The following TIMM44 variants were observed in gnomAD, a reference collection of about 807,000 sequenced individuals.
TIMM44 encodes the protein mitochondrial import inner membrane translocase subunit TIM44.
Under a neutral mutation model 63.8 loss-of-function variants are expected in TIMM44, and 37 were observed. The ratio of observed to expected loss-of-function variants is 0.58; its 90% CI spans 0.45 to 0.76. TIMM44 has a LOEUF of 0.76. Among genes scored for constraint, TIMM44 ranks in the 30% least tolerant of loss-of-function variants. The pLI is 0.00. For missense variants in TIMM44, 573 were observed against 603.8 expected, an observed-to-expected ratio of 0.95 and a Z score of 0.54; for synonymous variants, 239 against 245.1, an observed-to-expected ratio of 0.98 and a Z score of 0.23.
At chr19:7,936,968 G>T (rs1984173497) in intron 3 of TIMM44, among the ~76,000 whole-genome samples, 1 of 152,026 alleles carries the variant, frequency 6.6e-6, no homozygotes, top group African/African-American at 2.4e-5. Context: ...GGGCAGTAGT[G>T]GTGTGTGTCT....
chr19:7,929,461 G>A (rs1983916823), intron 10 of TIMM44, among the ~76,000 whole-genome samples: 1 of 152,182 alleles, frequency 6.6e-6, no homozygotes, highest in South Asian at 2.1e-4. Flanking sequence ...CCCCATCCGT[G>A]CCCCATAGGT....
In TIMM44 at chr19:7,934,543, T is replaced by G. The variant is rs181569339; in HGVS notation, c.394-305A>C. Among the ~76,000 whole-genome samples, 305 of 152,068 alleles carry G rather than the reference T, an allele frequency of 2.0e-3. 1 individual carries two copies. Among genetic ancestry groups the G allele is most frequent in the African/African-American group, 6.8e-3 (280 of 41,396 alleles). On this transcript the variant is annotated intron_variant, in intron 4 of 12. Coordinates refer to ENST00000270538, the MANE Select transcript of TIMM44 (RefSeq NM_006351.4). The surrounding 1 kb of genome is among the most constrained non-coding windows in gnomAD (Gnocchi z 5.3). ...GGCTTCCGGGATGCTGGCCCTGGGCTCTGGGTGAGACGCTGGGTCTGCTGG... is the reference window on the plus strand; with the variant it reads ...GGCTTCCGGGATGCTGGCCCTGGGCGCTGGGTGAGACGCTGGGTCTGCTGG...
At chr19:7,931,828 T>C (rs1983993991) in intron 9 of TIMM44, 1 of 159,314 alleles carries the variant, frequency 6.3e-6, no homozygotes, top group Non-Finnish European at 1.4e-5. Flanking sequence ...GCCAGAACAC[T>C]TGGCACCCAT....
At chr19:7,941,903 G>A (rs996897505) in intron 1 of TIMM44, among the ~76,000 whole-genome samples, 3 of 152,208 alleles carry the variant, frequency 2.0e-5, no homozygotes, top group Non-Finnish European at 2.9e-5. Flanking sequence ...CCAAAGATGA[G>A]AGAACTGGAT....
At chr19:7,941,515 T>C (rs1984311827) in intron 1 of TIMM44, among the ~76,000 whole-genome samples, 1 of 151,880 alleles carries the variant, frequency 6.6e-6, no homozygotes, top group Non-Finnish European at 1.5e-5. Flanking sequence ...CTCGAACTCC[T>C]GACCTCAGGT....
chr19:7,928,327 A>C, intron 10 of TIMM44, 161 bp from the exon 11 acceptor site: 3 of 624,170 alleles, frequency 4.8e-6, no homozygotes, highest in Non-Finnish European at 8.6e-6. Context: ...GGTGCCACCC[A>C]CTTACTGGCC....
intron 2 of TIMM44, among the ~76,000 whole-genome samples, chr19:7,940,134 G>A (rs562691329): frequency 2.3e-4 from 35 of 151,672 alleles, no homozygotes; most frequent in East Asian, 1.4e-3. Flanking sequence ...TCAGAAGGCT[G>A]AGGTGGGAGG....
chr19:7,929,185 A>G (rs755719897), intron 10 of TIMM44, among the ~76,000 whole-genome samples: 5 of 152,060 alleles, frequency 3.3e-5, no homozygotes, highest in African/African-American at 7.2e-5. Flanking sequence ...GAGAGCTGGG[A>G]GCCCCACAGG....
intron 10 of TIMM44, chr19:7,928,922 C>CCAAAAAAAAAAAAAAAAAAAAAAAAAA (rs1983894577): frequency 1.3e-5 from 1 of 76,794 alleles, no homozygotes; most frequent in Admixed American, 1.3e-4. Flanking sequence ...AAACAAAAAA[C>CCAAAAAAAAAAAAAAAAAAAAAAAAAA]CAAAAAAAAA....
intron 10 of TIMM44, chr19:7,928,517 T>C: frequency 3.6e-6 from 1 of 280,780 alleles, no homozygotes; most frequent in Non-Finnish European, 6.9e-6. Context: ...CTCTGAATCT[T>C]GGCCTGAGAT....
At position 7,927,190 on chromosome 19, in the gene TIMM44, G is replaced by A. The variant is rs750274506; in HGVS notation, c.1356C>T (p.Leu452=). 5.6e-6 allele frequency: 9 copies of A among 1,608,326 alleles called. No homozygotes were observed. The African/African-American group carries it at 9.3e-5, about 17-fold the overall frequency. ...DISASSTEQI[L] is the part of the protein sequence containing the mutation. ...CTACCTGGCTCCGGCACCACACTCA[G>A]AGAATCTGCTCGGTGCTGGAGGCCG... Residue 452 remains leucine (L), a synonymous_variant, in exon 13 of 13, where the codon CTC becomes CTT. Coordinates refer to ENST00000270538, the MANE Select transcript of TIMM44 (RefSeq NM_006351.4).
In TIMM44 at chr19:7,943,531, C is replaced by G. The variant is rs956883036; in HGVS notation, c.45+76G>C. 1.8e-5 allele frequency: 27 copies of G among 1,502,178 alleles called. No homozygotes were observed. Among genetic ancestry groups the G allele is most frequent in the Non-Finnish European group, 2.2e-5 (24 of 1,113,320 alleles). The allele number at this position is 1,502,178 out of a possible 1,614,324, so 93.1% of individuals were successfully genotyped here. ...AGCAAGGGTCGCGAAGGCCAAGGGT[C>G]TGAGAAGAAAGCCTTGGTGGCCGAA... On this transcript the variant is annotated intron_variant, in intron 1 of 12. Coordinates refer to ENST00000270538, the MANE Select transcript of TIMM44 (RefSeq NM_006351.4). This position sits in a 1 kb window ranked among gnomAD's most constrained non-coding sequence, Gnocchi z 4.3.
chr19:7,940,071 A>T (rs1031870732), intron 2 of TIMM44, among the ~76,000 whole-genome samples: 1 of 152,082 alleles, frequency 6.6e-6, no homozygotes. Context: ...AGAAAGCTGC[A>T]TCCAGCCTGG....
chr19:7,942,207 C>T (rs939412790), intron 1 of TIMM44, among the ~76,000 whole-genome samples: 2 of 152,084 alleles, frequency 1.3e-5, no homozygotes, highest in Admixed American at 6.6e-5. Flanking sequence ...ATTAGCCGGG[C>T]GTGGTGGCAC....
In TIMM44 at chr19:7,933,568, T is replaced by G. The variant is rs777105550; in HGVS notation, c.686A>C (p.Glu229Ala). 1.9e-6 allele frequency: 3 copies of G among 1,612,664 alleles called. No homozygotes were observed. The highest frequency in any genetic ancestry group is 1.6e-4 in the Middle Eastern group (1 of 6,082). Residue 229 changes from glutamate to alanine, a missense_variant and splice_region_variant, in exon 7 of 13, where the codon GAG becomes GCG. Glu to Ala is a moderately radical substitution (Grantham distance 107). Transcript: ENST00000270538. This position sits in a 1 kb window ranked among gnomAD's most constrained non-coding sequence, Gnocchi z 4.3. The stretch of plus-strand genomic sequence containing the variant: ...CTTGTGCAGCACGACCCCCAGGGCC[T>G]CCCTGGGGAAGAGGGTGGGCCCTGG... ...KEEKVFEPNE[E>A]ALGVVLHKDS...
In TIMM44 at chr19:7,934,066, C is replaced by A. The variant is rs748582132; in HGVS notation, c.543+23G>T. ...GGGTTCGGCCGCCCCAGGCTGCATG[C>A]CCTAGCCCAGGACTGGGCTCACCTG... On this transcript the variant is annotated intron_variant, in intron 5 of 12. Transcript: ENST00000270538. The surrounding 1 kb of genome is among the most constrained non-coding windows in gnomAD (Gnocchi z 5.3). 7 of 1,613,148 alleles carry A rather than the reference C, an allele frequency of 4.3e-6. No individual in the cohort carries two copies. In the Admixed American group the frequency reaches 8.3e-5, roughly 19 times the overall value.
chr19:7,940,865 C>A (rs755473103), intron 2 of TIMM44, among the ~76,000 whole-genome samples: 30 of 152,060 alleles, frequency 2.0e-4, no homozygotes, highest in Non-Finnish European at 4.3e-4. Flanking sequence ...ACATAAAGGG[C>A]TATTCTGACA....
At chr19:7,932,430 G>A (rs1984012606) in intron 9 of TIMM44, 197 bp downstream of exon 9, 3 of 681,236 alleles carry the variant, frequency 4.4e-6, no homozygotes, top group East Asian at 2.7e-5. Context: ...GGAGGTGCCG[G>A]TAAGGCCCAG....
chr19:7,940,587 C>T (rs1442091326), intron 2 of TIMM44, among the ~76,000 whole-genome samples: 2 of 152,078 alleles, frequency 1.3e-5, no homozygotes, highest in African/African-American at 2.4e-5. Flanking sequence ...ACAGAATGTA[C>T]GCGCTGCCCG....
Sources: gnomAD v4.1 joint callset for allele counts (sites outside exome capture counted in the v4.1 genomes callset) on GRCh38, gnomAD v4.1.1 for gene constraint, Gnocchi (gnomAD v3.1) non-coding constraint, MANE v1.5 for transcripts, NCBI Gene and HGNC (gene_info 2026-07-23, HGNC 2026-07-21) for gene names.